The following TFAM variants were observed in gnomAD, a reference collection of about 807,000 sequenced individuals.
TFAM encodes the protein transcription factor A, mitochondrial, also known as mitochondrial transcription factor 1.
A neutral mutation model predicts 30.6 loss-of-function variants in TFAM; 13 were observed. That is an observed-to-expected ratio of 0.42 (90% CI 0.28 to 0.67). The LOEUF (loss-of-function observed/expected upper bound fraction) is 0.67, where lower values mean the gene tolerates loss of function less well. Among genes scored for constraint, TFAM ranks in the 30% least tolerant of loss-of-function variants. TFAM has a pLI of 0.21. For synonymous variants in TFAM, 106 were observed against 94.8 expected, an observed-to-expected ratio of 1.12 and a Z score of -0.69; for missense variants, 231 against 293.7, an observed-to-expected ratio of 0.79 and a Z score of 1.56.
At chr10:58,394,885 C>T in intron 6 of TFAM, 43 bp from the exon 7 acceptor site, 1 of 1,566,808 alleles carries the variant, frequency 6.4e-7, no homozygotes, top group Non-Finnish European at 8.7e-7. Context: ...CATTTTATCT[C>T]AAAAAATAAG....
intron 5 of TFAM, among the ~76,000 whole-genome samples, chr10:58,392,504 T>G (rs1195500755): frequency 6.6e-6 from 1 of 152,028 alleles, no homozygotes; most frequent in Non-Finnish European, 1.5e-5. Context: ...TTCCTTTTTT[T>G]TTGTTTTGTT....
chr10:58,386,007 C>T (rs1367898830), intron 1 of TFAM, among the ~76,000 whole-genome samples: 1 of 152,062 alleles, frequency 6.6e-6, no homozygotes, highest in Non-Finnish European at 1.5e-5. Context: ...CACTCCCTGC[C>T]CTTCCTAGGA....
In TFAM at chr10:58,386,744, A is replaced by G. The variant is rs1840498072; in HGVS notation, c.220+406A>G. 6.8e-6 allele frequency: 7 copies of G among 1,021,956 alleles called. No individual in the cohort carries two copies. In the South Asian group the frequency reaches 1.5e-4, roughly 22 times the overall value. 63.3% of individuals were successfully genotyped at this position (1,021,956 alleles called of 1,614,324 possible). A position where few individuals can be genotyped will look rare whatever the true frequency, so the allele number is the denominator to read the frequency against. On this transcript the variant is annotated intron_variant, in intron 2 of 6. Coordinates refer to ENST00000487519, the MANE Select transcript of TFAM (RefSeq NM_003201.3). ...AAGTTCTGTAGAACTGTAAAGTTCT[A>G]TGCAATTTACTGCTAATTTCAAGAG...
chr10:58,392,819 C>T lies in TFAM; in HGVS notation c.538-1539C>T, dbSNP rs11006131. 2.2e-3 allele frequency among the ~76,000 whole-genome samples: 336 copies of T among 152,076 alleles called. 8 individuals are homozygous for T. In the East Asian group the frequency reaches 0.061, roughly 28 times the overall value. On this transcript the variant is annotated intron_variant, in intron 5 of 6. Coordinates refer to ENST00000487519, the MANE Select transcript of TFAM (RefSeq NM_003201.3). ...CCTCTTGAGTAGCCAGGTCTACAGT[C>T]ATGTGCCACCAAGCCTGGCTAATTT...
intron 5 of TFAM, among the ~76,000 whole-genome samples, chr10:58,391,878 G>A (rs1332776953): frequency 2.7e-5 from 4 of 149,350 alleles, no homozygotes; most frequent in African/African-American, 4.9e-5. Context: ...TCTTTCTTAC[G>A]AAACTTATTT....
rs1304863271 is a variant in TFAM, at chr10:58,396,501, T to C, written c.*1427T>C. The C allele has an allele frequency of 2.6e-5, 4 of 152,248 alleles. No individual in the cohort carries two copies. Among genetic ancestry groups the C allele is most frequent in the Non-Finnish European group, 4.4e-5 (3 of 68,036 alleles). 9.4% of individuals were successfully genotyped at this position (152,248 alleles called of 1,614,324 possible). A position where few individuals can be genotyped will look rare whatever the true frequency, so the allele number is the denominator to read the frequency against. ...ATCCATATACTGTGGAATGATATTC[T>C]TTTAAAATTATTTGCTATGGCTTGG... On this transcript the variant is annotated 3_prime_UTR_variant, in exon 7 of 7. Transcript: ENST00000487519.
rs1454069231 is a variant in TFAM at position 58,385,626 on chromosome 10, A to G, written c.79A>G (p.Ser27Gly). 6.4e-7 allele frequency: 1 copy of G among 1,560,096 alleles called. No individual in the cohort carries two copies. The highest frequency in any genetic ancestry group is 2.4e-5 in the East Asian group (1 of 41,530). Residue 27 changes from serine (S) to glycine (G), a missense_variant, in exon 1 of 7, where the codon AGT (serine) becomes GGT (glycine). By Grantham distance (56) the Ser-to-Gly change is moderately conservative (BLOSUM62 0). Coordinates refer to ENST00000487519, the MANE Select transcript of TFAM (RefSeq NM_003201.3). ...SGAELCTGCG[S>G]RLRSPFSFVY... ...AGCAGAGCTGTGCACCGGCTGTGGA[A>G]GTCGACTGCGCTCCCCCTTCAGGTA...
At chr10:58,386,738 A>C (rs1840497777) in intron 2 of TFAM, 1 of 1,040,136 alleles carries the variant, frequency 9.6e-7, no homozygotes, top group Non-Finnish European at 1.2e-6. Flanking sequence ...AGAACTGTAA[A>C]GTTCTATGCA....
chr10:58,388,966 T>C, intron 4 of TFAM, 147 bp downstream of exon 4: 2 of 758,650 alleles, frequency 2.6e-6, no homozygotes, highest in Non-Finnish European at 2.0e-6. Flanking sequence ...GGGATAGTTC[T>C]CTTATGAAAA....
Position 58,399,060 on chromosome 10 carries a change from T to C in TFAM, c.*3986T>C, listed in dbSNP as rs1401009004. ...TCATTGTTCACAAATAAAGGACTTT[T>C]GTTAATTGATTAAATCACTTACTAT... is the stretch of plus-strand genomic sequence containing the variant. On this transcript the variant is annotated 3_prime_UTR_variant, in exon 7 of 7. Transcript: ENST00000487519. The C allele has an allele frequency of 2.0e-5, 3 of 152,204 alleles. No homozygotes were observed. The highest frequency in any genetic ancestry group is 7.2e-5 in the African/African-American group (3 of 41,462). 9.4% of individuals were successfully genotyped at this position (152,204 alleles called of 1,614,324 possible).
rs1454139668 is a variant in TFAM at position 58,396,222 on chromosome 10, ATT to A, written c.*1150_*1151del. ...GAAACTATAGCCCACAAAGCCTGAT[ATT>A]TACTGTCTGTCTGTTTATGGAAAAA... On this transcript the variant is annotated 3_prime_UTR_variant, in exon 7 of 7. Transcript: ENST00000487519. The A allele has an allele frequency of 1.3e-5, 2 of 152,024 alleles. No individual in the cohort carries two copies. Among genetic ancestry groups the A allele is most frequent in the Non-Finnish European group, 1.5e-5 (1 of 67,962 alleles). The allele number at this position is 152,024 out of a possible 1,614,324, so 9.4% of individuals were successfully genotyped here. A position where few individuals can be genotyped will look rare whatever the true frequency, so the allele number is the denominator to read the frequency against.
intron 5 of TFAM, among the ~76,000 whole-genome samples, chr10:58,393,333 C>T (rs1427584205): frequency 6.6e-6 from 1 of 152,180 alleles, no homozygotes; most frequent in Non-Finnish European, 1.5e-5. Context: ...CTTAGCTTCA[C>T]CTGTTTTACA....
intron 4 of TFAM, among the ~76,000 whole-genome samples, chr10:58,389,367 G>A (rs568248943): frequency 6.6e-6 from 1 of 152,130 alleles, no homozygotes; most frequent in South Asian, 2.1e-4. Context: ...CCAGCTTAAT[G>A]TATTAATTCA....
rs372041118 is a variant in TFAM, at chr10:58,395,241, G to GA, written c.*171dup. 5.3e-4 allele frequency: 380 copies of GA among 710,464 alleles called. 1 individual carries two copies. In the African/African-American group the frequency reaches 6.1e-3, roughly 11 times the overall value. The allele number at this position is 710,464 out of a possible 1,614,324, so 44.0% of individuals were successfully genotyped here. A position where few individuals can be genotyped will look rare whatever the true frequency, so the allele number is the denominator to read the frequency against. On this transcript the variant is annotated 3_prime_UTR_variant, in exon 7 of 7. Coordinates refer to ENST00000487519, the MANE Select transcript of TFAM (RefSeq NM_003201.3). Reference sequence around the variant, plus strand: ...TTCTGCCAGCATAATACTTGCTTTGGAAAACCCAGATAAAGGTTCATGCAA... The same window carrying GA: ...TTCTGCCAGCATAATACTTGCTTTGGAAAAACCCAGATAAAGGTTCATGCAA...
In TFAM at chr10:58,395,556, C is replaced by T. The variant is rs1344712632; in HGVS notation, c.*482C>T. 1 of 244,238 alleles carries T rather than the reference C, an allele frequency of 4.1e-6. No homozygotes were observed. Among genetic ancestry groups the T allele is most frequent in the Non-Finnish European group, 7.7e-6 (1 of 129,398 alleles). 15.1% of individuals were successfully genotyped at this position (244,238 alleles called of 1,614,324 possible). The stretch of plus-strand genomic sequence containing the variant: ...TCCTAGGTATAATTCACATTGTATT[C>T]AGAGTTGATGGTTGTACATATAAGT... On this transcript the variant is annotated 3_prime_UTR_variant, in exon 7 of 7. Coordinates refer to ENST00000487519, the MANE Select transcript of TFAM (RefSeq NM_003201.3).
At position 58,398,934 on chromosome 10, in the gene TFAM, TA is replaced by T. The variant is rs1840738812; in HGVS notation, c.*3864del. 1 of 152,238 alleles carries T rather than the reference TA, an allele frequency of 6.6e-6. No individual in the cohort carries two copies. Among genetic ancestry groups the T allele is most frequent in the African/African-American group, 2.4e-5 (1 of 41,470 alleles). The allele number at this position is 152,238 out of a possible 1,614,324, so 9.4% of individuals were successfully genotyped here. A position where few individuals can be genotyped will look rare whatever the true frequency, so the allele number is the denominator to read the frequency against. ...AATTTTAGAACAGTAATGTTCTTTT[TA>T]AAATTGAACTTCTGCAGAGTAAGAA... is the stretch of plus-strand genomic sequence containing the variant. On this transcript the variant is annotated 3_prime_UTR_variant, in exon 7 of 7. Coordinates refer to ENST00000487519, the MANE Select transcript of TFAM (RefSeq NM_003201.3).
At chr10:58,390,418 G>A (rs376310053) in intron 4 of TFAM, among the ~76,000 whole-genome samples, 13 of 152,298 alleles carry the variant, frequency 8.5e-5, no homozygotes, top group African/African-American at 3.1e-4. Context: ...CAGTGATTTG[G>A]TCAAGGGGAC....
chr10:58,385,468 C>A lies in TFAM; in HGVS notation c.-80C>A. 9.1e-7 allele frequency: 1 copy of A among 1,097,190 alleles called. No homozygotes were observed. Among genetic ancestry groups the A allele is most frequent in the Non-Finnish European group, 1.4e-6 (1 of 735,366 alleles). 68.0% of individuals were successfully genotyped at this position (1,097,190 alleles called of 1,614,324 possible). A position where few individuals can be genotyped will look rare whatever the true frequency, so the allele number is the denominator to read the frequency against. Reference sequence around the variant, plus strand: ...ACGCCGGAGGGTCGCACGCGGGTTCCAGTTGTGATTGCTGGAGTTGTGTAT... The same window carrying A: ...ACGCCGGAGGGTCGCACGCGGGTTCAAGTTGTGATTGCTGGAGTTGTGTAT... On this transcript the variant is annotated 5_prime_UTR_variant, in exon 1 of 7. Transcript: ENST00000487519.
rs1564570952 is a variant in TFAM at position 58,398,882 on chromosome 10, A to G, written c.*3808A>G. 1 of 152,214 alleles carries G rather than the reference A, an allele frequency of 6.6e-6. No homozygotes were observed. The highest frequency in any genetic ancestry group is 1.5e-5 in the Non-Finnish European group (1 of 68,036). 9.4% of individuals were successfully genotyped at this position (152,214 alleles called of 1,614,324 possible). A position where few individuals can be genotyped will look rare whatever the true frequency, so the allele number is the denominator to read the frequency against. Reference sequence around the variant, plus strand: ...TCACAGACAAATCTGAAAATGTTACAAGCACAGACTATGTTGTATGTTTTG... The same window carrying G: ...TCACAGACAAATCTGAAAATGTTACGAGCACAGACTATGTTGTATGTTTTG... On this transcript the variant is annotated 3_prime_UTR_variant, in exon 7 of 7. Transcript: ENST00000487519.
Sources: allele counts gnomAD v4.1 joint callset (sites outside exome capture counted in the v4.1 genomes callset), GRCh38; gene constraint gnomAD v4.1.1; transcripts MANE v1.5; gene names NCBI Gene and HGNC (gene_info 2026-07-23, HGNC 2026-07-21).